FGGY: variants seen among roughly 807,000 people sequenced by gnomAD.
FGGY encodes the protein FGGY carbohydrate kinase domain containing, also known as FGGY carbohydrate kinase domain-containing protein.
Under a neutral mutation model 71.3 loss-of-function variants are expected in FGGY, and 72 were observed. That is an observed-to-expected ratio of 1.01 (90% CI 0.84 to 1.23). The LOEUF (loss-of-function observed/expected upper bound fraction) is 1.23, where lower values mean the gene tolerates loss of function less well. FGGY is among the 50% of genes most tolerant of loss of function. FGGY has a pLI of 0.00. For missense variants in FGGY, 668 were observed against 682.3 expected, an observed-to-expected ratio of 0.98 and a Z score of 0.23; for synonymous variants, 251 against 250.3, an observed-to-expected ratio of 1.00 and a Z score of -0.02.
At chr1:59,478,733 T>C (rs2093361826) in intron 6 of FGGY, among the ~76,000 whole-genome samples, 2 of 151,890 alleles carry the variant, frequency 1.3e-5, no homozygotes, top group African/African-American at 4.8e-5. Context: ...GTAGATGATA[T>C]TTGAAGCCAT....
chr1:59,586,980 G>A (rs1273169873), intron 8 of FGGY, among the ~76,000 whole-genome samples: 1 of 152,244 alleles, frequency 6.6e-6, no homozygotes, highest in African/African-American at 2.4e-5. Context: ...ACGAGCTGAA[G>A]CAGGGCAAGG....
chr1:59,450,148 C>T lies in FGGY; in HGVS notation c.555-6813C>T, dbSNP rs533385548. ...TATAATTATTCCCTTTTCCTGTATT[C>T]TCCAGATTACTTAAATATTTGTTAG... On this transcript the variant is annotated intron_variant, in intron 5 of 15. Transcript: ENST00000303721. Among the ~76,000 whole-genome samples the T allele has an allele frequency of 1.1e-4, 16 of 152,142 alleles. No individual in the cohort carries two copies. In the South Asian group the frequency reaches 3.1e-3, roughly 30 times the overall value.
intron 9 of FGGY, among the ~76,000 whole-genome samples, chr1:59,614,040 C>T (rs542014084): frequency 3.4e-4 from 52 of 152,154 alleles, no homozygotes; most frequent in African/African-American, 1.2e-3. Flanking sequence ...CAGGACCAGA[C>T]GGATTCACAG....
intron 15 of FGGY, among the ~76,000 whole-genome samples, chr1:59,759,075 G>T (rs975434258): frequency 1.3e-5 from 2 of 152,190 alleles, no homozygotes; most frequent in Admixed American, 1.3e-4. Flanking sequence ...TAGTGATTTT[G>T]AAGATGAAGG....
chr1:59,526,213 T>C (rs1430631807), intron 7 of FGGY, among the ~76,000 whole-genome samples: 1 of 152,216 alleles, frequency 6.6e-6, no homozygotes, highest in African/African-American at 2.4e-5. Context: ...CTGAGTGTTA[T>C]GAAGAATAGT....
intron 15 of FGGY, 119 bp downstream of exon 15, chr1:59,758,111 T>A: frequency 1.6e-6 from 1 of 641,958 alleles, no homozygotes. Flanking sequence ...TAATTTGTGG[T>A]TAAGAAAACT....
chr1:59,608,608 A>C (rs565147458), intron 9 of FGGY, among the ~76,000 whole-genome samples: 1 of 152,284 alleles, frequency 6.6e-6, no homozygotes, highest in South Asian at 2.1e-4. Flanking sequence ...TGGGGCGGGC[A>C]GACCACCTGA....
intron 8 of FGGY, among the ~76,000 whole-genome samples, chr1:59,571,442 A>G (rs1386163691): frequency 2.6e-5 from 4 of 152,362 alleles, no homozygotes; most frequent in East Asian, 1.9e-4. Context: ...ACAAAAATGT[A>G]TAATTACAGA....
At chr1:59,683,056 A>C (rs2097516898) in intron 14 of FGGY, among the ~76,000 whole-genome samples, 1 of 152,170 alleles carries the variant, frequency 6.6e-6, no homozygotes, top group Non-Finnish European at 1.5e-5. Context: ...GGTAATGATA[A>C]AAACGCTGGA....
chr1:59,537,600 T>A (rs1366496771), intron 7 of FGGY, among the ~76,000 whole-genome samples: 3 of 152,174 alleles, frequency 2.0e-5, no homozygotes, highest in Non-Finnish European at 2.9e-5. Context: ...CAAGCTATAC[T>A]ACAAGGGTAC....
At position 59,718,104 on chromosome 1, in the gene FGGY, C is replaced by G. The variant is rs141116472; in HGVS notation, c.1513-39827C>G. On this transcript the variant is annotated intron_variant, in intron 14 of 15. Coordinates refer to ENST00000303721, the MANE Select transcript of FGGY (RefSeq NM_018291.5). ...TCAGGAGAAAACAGGATAGGTGTTA[C>G]GAGCCCAGTTTTACAGATGATGAGA... is the stretch of plus-strand genomic sequence containing the variant. Among the ~76,000 whole-genome samples the G allele has an allele frequency of 1.5e-4, 23 of 152,246 alleles. No individual in the cohort carries two copies. The East Asian group carries it at 4.4e-3, about 29-fold the overall frequency.
chr1:59,307,079 C>T lies in FGGY; in HGVS notation c.-15+9929C>T, dbSNP rs1230436190. 2.0e-5 allele frequency among the ~76,000 whole-genome samples: 3 copies of T among 151,934 alleles called. No individual in the cohort carries two copies. The East Asian group carries it at 5.8e-4, about 29-fold the overall frequency. Reference sequence around the variant, plus strand: ...TCTGTAATCTCAGAACTTTGGGAGGCCGAGGTGGGAGGATAGCTTGAGCCC... The same window carrying T: ...TCTGTAATCTCAGAACTTTGGGAGGTCGAGGTGGGAGGATAGCTTGAGCCC... On this transcript the variant is annotated intron_variant, in intron 1 of 15. Coordinates refer to ENST00000303721, the MANE Select transcript of FGGY (RefSeq NM_018291.5).
intron 6 of FGGY, among the ~76,000 whole-genome samples, chr1:59,477,823 A>G (rs1223810340): frequency 2.0e-5 from 3 of 152,218 alleles, no homozygotes; most frequent in Non-Finnish European, 4.4e-5. Context: ...TTGAAAGCAC[A>G]GAAACTGCCA....
intron 14 of FGGY, among the ~76,000 whole-genome samples, chr1:59,677,249 A>G (rs75787450): frequency 0.032 from 4,802 of 152,304 alleles, 254 homozygotes; most frequent in African/African-American, 0.11. Flanking sequence ...CCTGAACTTC[A>G]ACACAGTCTT....
intron 6 of FGGY, among the ~76,000 whole-genome samples, chr1:59,475,372 A>T (rs760893539): frequency 1.1e-4 from 16 of 152,008 alleles, no homozygotes; most frequent in Non-Finnish European, 1.9e-4. Flanking sequence ...ACAGGCAAAT[A>T]AAAAAAATAC....
At chr1:59,567,730 G>A (rs2095898434) in intron 8 of FGGY, among the ~76,000 whole-genome samples, 1 of 151,782 alleles carries the variant, frequency 6.6e-6, no homozygotes, top group South Asian at 2.1e-4. Flanking sequence ...GCATTCTTCT[G>A]TGGTGTGCAG....
chr1:59,343,033 T>G (rs557686922), intron 3 of FGGY, among the ~76,000 whole-genome samples: 2 of 152,222 alleles, frequency 1.3e-5, no homozygotes, highest in South Asian at 4.1e-4. Flanking sequence ...TTACCCTGAT[T>G]GTGTCATCTC....
intron 14 of FGGY, among the ~76,000 whole-genome samples, chr1:59,754,010 T>A (rs1171581133): frequency 6.6e-6 from 1 of 152,230 alleles, no homozygotes; most frequent in Non-Finnish European, 1.5e-5. Flanking sequence ...GTTTTCCAGT[T>A]CTTCCAGCTG....
intron 14 of FGGY, among the ~76,000 whole-genome samples, chr1:59,741,609 A>T (rs2098148225): frequency 6.6e-6 from 1 of 151,490 alleles, no homozygotes; most frequent in Non-Finnish European, 1.5e-5. Context: ...TTCAAGACCA[A>T]CCTGGGTAAC....
Sources: gnomAD v4.1 joint callset for allele counts (sites outside exome capture counted in the v4.1 genomes callset) on GRCh38, gnomAD v4.1.1 for gene constraint, MANE v1.5 for transcripts, NCBI Gene and HGNC (gene_info 2026-07-23, HGNC 2026-07-21) for gene names.